ARHGAP40: variants seen among roughly 807,000 people sequenced by gnomAD.
The protein encoded by ARHGAP40 is rho GTPase-activating protein 40.
A neutral mutation model predicts 73.5 loss-of-function variants in ARHGAP40; 43 were observed. The observed-to-expected ratio is 0.58, with a 90% confidence interval of 0.46 to 0.75. The LOEUF (loss-of-function observed/expected upper bound fraction) is 0.75. ARHGAP40 is among the 30% of genes least tolerant of loss of function. The pLI is 0.00. For missense variants in ARHGAP40, 734 were observed against 861.8 expected (o/e 0.85, Z 1.86); for synonymous variants, 300 against 352.8 (o/e 0.85, Z 1.68).
chr20:38,607,808 G>A (rs1046209042), intron 1 of ARHGAP40, among the ~76,000 whole-genome samples: 7 of 152,154 alleles, frequency 4.6e-5, no homozygotes, highest in Admixed American at 1.3e-4. Context: ...GTTCATCCTT[G>A]TTTTATTTCG....
At chr20:38,603,984 A>T (rs2088755938) in intron 1 of ARHGAP40, among the ~76,000 whole-genome samples, 1 of 152,198 alleles carries the variant, frequency 6.6e-6, no homozygotes, top group Admixed American at 6.5e-5. Flanking sequence ...TCGTCCCCCC[A>T]ACTCAAGATC....
At chr20:38,616,541 C>T (rs559861550) in intron 1 of ARHGAP40, among the ~76,000 whole-genome samples, 17 of 152,302 alleles carry the variant, frequency 1.1e-4, no homozygotes, top group Admixed American at 3.3e-4. Context: ...GTTGTACAAG[C>T]GGCTTATTAC....
intron 1 of ARHGAP40, among the ~76,000 whole-genome samples, chr20:38,619,495 T>C (rs563640901): frequency 6.0e-5 from 9 of 151,178 alleles, no homozygotes; most frequent in Non-Finnish European, 1.3e-4. Context: ...GTGTGAGGAG[T>C]GGCTCTCAGA....
At chr20:38,638,658 C>T (rs1393002010) in intron 7 of ARHGAP40, 103 bp from the exon 8 acceptor site, 3 of 821,072 alleles carry the variant, frequency 3.7e-6, no homozygotes, top group Non-Finnish European at 5.4e-6. Flanking sequence ...AACCCTTCTC[C>T]TGGTACTCCC....
chr20:38,612,401 C>T (rs775992195), intron 1 of ARHGAP40, among the ~76,000 whole-genome samples: 1 of 152,116 alleles, frequency 6.6e-6, no homozygotes, highest in African/African-American at 2.4e-5. Flanking sequence ...TGGCTGGGCA[C>T]GGTGGCTCAC....
chr20:38,630,082 T>TTCTTTCTTTC lies in ARHGAP40; in HGVS notation c.783+433_783+434insCTTTCTTTCT, dbSNP rs1263777387. On this transcript the variant is annotated intron_variant, in intron 5 of 14. Transcript: ENST00000373345. ...CTTTTTTCTTTCTTTCTTTCTTTCT[T>TTCTTTCTTTC]TTTCTTTCTTTCTTTCTTTGTTTTT... 4.0e-3 allele frequency among the ~76,000 whole-genome samples: 365 copies of TTCTTTCTTTC among 90,732 alleles called. 2 individuals carry two copies. Among genetic ancestry groups the TTCTTTCTTTC allele is most frequent in the African/African-American group, 0.011 (345 of 31,602 alleles). The allele number at this position is 90,732 out of a possible 152,430, so 59.5% of individuals were successfully genotyped here. A position where few individuals can be genotyped will look rare whatever the true frequency, so the allele number is the denominator to read the frequency against.
At position 38,641,827 on chromosome 20, in the gene ARHGAP40, C is replaced by A. The variant is rs1437654256; in HGVS notation, c.1362+19C>A. On this transcript the variant is annotated intron_variant, in intron 10 of 14. Coordinates refer to ENST00000373345, the Ensembl canonical transcript of ARHGAP40. The stretch of plus-strand genomic sequence containing the variant: ...CTTAAAGGTAAGAGTTACCATGCAC[C>A]ACCACCACTCTGCCATCTCAGCCCA... 3 of 1,266,902 alleles carry A rather than the reference C, an allele frequency of 2.4e-6. No homozygotes were observed. The highest frequency in any genetic ancestry group is 3.1e-5 in the African/African-American group (2 of 63,858). The allele number at this position is 1,266,902 out of a possible 1,614,324, so 78.5% of individuals were successfully genotyped here.
intron 1 of ARHGAP40, among the ~76,000 whole-genome samples, chr20:38,610,051 A>G (rs1440524354): frequency 6.6e-6 from 1 of 152,194 alleles, no homozygotes; most frequent in Non-Finnish European, 1.5e-5. Flanking sequence ...AACCAGCCTG[A>G]TGCTCTTCCT....
chr20:38,610,497 G>A (rs1452729216), intron 1 of ARHGAP40, among the ~76,000 whole-genome samples: 1 of 152,232 alleles, frequency 6.6e-6, no homozygotes, highest in African/African-American at 2.4e-5. Flanking sequence ...CTGAGAAGGT[G>A]TCTCCATGGC....
chr20:38,610,781 G>A (rs2088799790), intron 1 of ARHGAP40, among the ~76,000 whole-genome samples: 1 of 152,100 alleles, frequency 6.6e-6, no homozygotes, highest in African/African-American at 2.4e-5. Flanking sequence ...GCTCGTAGGG[G>A]TGTGTGAGTT....
At chr20:38,615,022 A>T in intron 1 of ARHGAP40, 1 of 1,156,494 alleles carries the variant, frequency 8.6e-7, no homozygotes, top group Non-Finnish European at 1.3e-6. Context: ...ATCTCCATCA[A>T]GGTCAAGTTA....
At chr20:38,614,990 G>T in intron 1 of ARHGAP40, 1 of 1,216,412 alleles carries the variant, frequency 8.2e-7, no homozygotes. Context: ...GCGCTTGTGT[G>T]AGGAAAGTCC....
At chr20:38,617,652 T>G (rs111251252) in intron 1 of ARHGAP40, among the ~76,000 whole-genome samples, 2 of 152,232 alleles carry the variant, frequency 1.3e-5, no homozygotes, top group Non-Finnish European at 2.9e-5. Flanking sequence ...CTGTGAGGGC[T>G]CCGGCCCTCT....
At chr20:38,614,923 T>C in intron 1 of ARHGAP40, 2 of 1,362,662 alleles carry the variant, frequency 1.5e-6, no homozygotes, top group Admixed American at 1.7e-5. Context: ...CTAGAAGTCC[T>C]GAGACTGAGT....
intron 1 of ARHGAP40, among the ~76,000 whole-genome samples, chr20:38,618,075 T>C (rs549958628): frequency 3.1e-4 from 47 of 151,994 alleles, no homozygotes; most frequent in African/African-American, 1.1e-3. Context: ...TCAGACCCAG[T>C]TGACACTAGA....
At chr20:38,607,174 G>A (rs6070750) in intron 1 of ARHGAP40, among the ~76,000 whole-genome samples, 6,809 of 152,272 alleles carry the variant, frequency 0.045, 178 homozygotes, top group African/African-American at 0.069. Context: ...GTTTTCATGG[G>A]ACAAGTACAT....
chr20:38,632,671 GATA>G (rs999371575), intron 5 of ARHGAP40, among the ~76,000 whole-genome samples: 1 of 152,088 alleles, frequency 6.6e-6, no homozygotes, highest in Non-Finnish European at 1.5e-5. Context: ...TATGAATGAT[GATA>G]ATAATTAATC....
intron 2 of ARHGAP40, among the ~76,000 whole-genome samples, chr20:38,625,831 G>A (rs114995676): frequency 6.6e-6 from 1 of 152,136 alleles, no homozygotes; most frequent in Admixed American, 6.5e-5. Context: ...TTTATGGTGG[G>A]GATCTTGTTT....
At chr20:38,607,364 C>A (rs566153980) in intron 1 of ARHGAP40, among the ~76,000 whole-genome samples, 7 of 152,308 alleles carry the variant, frequency 4.6e-5, no homozygotes, top group African/African-American at 1.7e-4. Flanking sequence ...AAACCCGGAA[C>A]GGCCACCTCA....
Sources: gnomAD v4.1 joint callset for allele counts (sites outside exome capture counted in the v4.1 genomes callset) on GRCh38, gnomAD v4.1.1 for gene constraint, MANE v1.5 for transcripts, NCBI Gene and HGNC (gene_info 2026-07-23, HGNC 2026-07-21) for gene names.